Variants in PBRM1 observed in about 807,000 individuals in gnomAD.
PBRM1 encodes the protein protein polybromo-1.
In PBRM1, 27 loss-of-function variants were observed where a neutral mutation model predicts 194.5. The observed-to-expected ratio is 0.14, with a 90% CI of 0.10 to 0.19. The LOEUF (loss-of-function observed/expected upper bound fraction) is 0.19, where lower values mean the gene tolerates loss of function less well. PBRM1 is among the 10% of genes least tolerant of loss of function. PBRM1 has a pLI of 1.00. For synonymous variants in PBRM1, 655 were observed against 693.2 expected, an observed-to-expected ratio of 0.94 and a Z score of 0.87; for missense variants, 1,466 against 2,077.2, an observed-to-expected ratio of 0.71 and a Z score of 5.72.
chr3:52,634,574 A>C, intron 11 of PBRM1, 28 bp downstream of exon 12: 1 of 1,372,404 alleles, frequency 7.3e-7, no homozygotes, highest in Non-Finnish European at 1.0e-6. Flanking sequence ...AAATAAAATT[A>C]TACTGAATAA....
chr3:52,674,641 AAAAT>A (rs1164202572), intron 2 of PBRM1, among the ~76,000 whole-genome samples: 47 of 76,096 alleles, frequency 6.2e-4, no homozygotes, highest in East Asian at 5.7e-3. Context: ...AAAAAAAAAA[AAAAT>A]ATATATATAT....
intron 27 of PBRM1, among the ~76,000 whole-genome samples, chr3:52,552,109 G>GTGAA (rs2081117464): frequency 6.6e-6 from 1 of 152,060 alleles, no homozygotes. Flanking sequence ...ATGATTATTC[G>GTGAA]TGAATGAATG....
chr3:52,570,282 A>T (rs923424714), intron 22 of PBRM1, among the ~76,000 whole-genome samples: 5 of 152,004 alleles, frequency 3.3e-5, no homozygotes, highest in African/African-American at 1.2e-4. Context: ...CAGCCAGAAC[A>T]TCCCTATTTT....
intron 4 of PBRM1, 47 bp from the exon 6 acceptor site, chr3:52,658,362 G>A (rs1560872746): frequency 1.0e-6 from 1 of 998,348 alleles, no homozygotes; most frequent in Non-Finnish European, 1.6e-6. Flanking sequence ...ATAATAAAAT[G>A]CTGAATATTA....
Position 52,635,357 on chromosome 3 carries a change from G to A in PBRM1, c.1088-542C>T, listed in dbSNP as rs1461417742. 2.6e-5 allele frequency among the ~76,000 whole-genome samples: 4 copies of A among 152,286 alleles called. No homozygotes were observed. In the East Asian group the frequency reaches 7.7e-4, roughly 29 times the overall value. The stretch of plus-strand genomic sequence containing the variant: ...CCAAGGTGGGTGAATCACAAGGTCA[G>A]GAGTTCGAGACCAGCGTGGCCAACA... On this transcript the variant is annotated intron_variant, in intron 10 of 29. Transcript: ENST00000296302.
intron 20 of PBRM1, among the ~76,000 whole-genome samples, chr3:52,582,102 C>A (rs1029500291): frequency 6.6e-6 from 1 of 151,444 alleles, no homozygotes; most frequent in Non-Finnish European, 1.5e-5. Flanking sequence ...AATAGCCGGG[C>A]ATGGTGGCAC....
intron 27 of PBRM1, among the ~76,000 whole-genome samples, chr3:52,551,136 T>G (rs1399139936): frequency 6.6e-6 from 1 of 152,232 alleles, no homozygotes; most frequent in East Asian, 1.9e-4. Context: ...TTCAAGGTGT[T>G]TTTCTTCTGA....
chr3:52,565,208 A>G (rs1465559044), intron 22 of PBRM1, among the ~76,000 whole-genome samples: 1 of 151,708 alleles, frequency 6.6e-6, no homozygotes, highest in African/African-American at 2.4e-5. Flanking sequence ...CAAAAAAAAA[A>G]AATTAATTCA....
intron 16 of PBRM1, among the ~76,000 whole-genome samples, chr3:52,605,357 CA>C (rs1358547327): frequency 6.6e-6 from 1 of 152,068 alleles, no homozygotes; most frequent in Middle Eastern, 3.2e-3. Flanking sequence ...TGGCATAAAT[CA>C]AATTCTATTA....
At chr3:52,663,598 T>C (rs1217254974) in intron 3 of PBRM1, among the ~76,000 whole-genome samples, 2 of 152,032 alleles carry the variant, frequency 1.3e-5, no homozygotes, top group African/African-American at 4.8e-5. Context: ...AAATATTGAG[T>C]CCATAGTAAA....
At chr3:52,638,985 TTG>T (rs377220946) in intron 10 of PBRM1, among the ~76,000 whole-genome samples, 1,989 of 47,762 alleles carry the variant, frequency 0.042, 110 homozygotes, top group African/African-American at 0.11. Context: ...ACATTTTTTT[TTG>T]GGGGGGGGGG....
rs754097433 is a variant in PBRM1 at position 52,628,949 on chromosome 3, T to C, written c.1388A>G (p.Asn463Ser). ...CTTGTAGATGGCTGAATTGGGCACA[T>C]TATAGCGTTTGGCATTTTCAAACAT... The change falls in exon 12 of 30, where the codon AAT becomes AGT. Residue 463 changes from asparagine to serine, a missense_variant. By Grantham distance (46) the Asn-to-Ser change is conservative. This residue lies in a region of PBRM1 where 457 missense variants were observed against 591.6 expected (regional missense o/e 0.77). Coordinates refer to ENST00000296302, the Ensembl canonical transcript of PBRM1. 4 of 1,613,250 alleles carry C rather than the reference T, an allele frequency of 2.5e-6. No individual in the cohort carries two copies. The East Asian group carries it at 8.9e-5, about 36-fold the overall frequency.
intron 10 of PBRM1, among the ~76,000 whole-genome samples, chr3:52,638,795 C>T (rs551045802): frequency 2.6e-5 from 4 of 151,808 alleles, no homozygotes; most frequent in East Asian, 1.9e-4. Context: ...GATGAGGTCT[C>T]GCTATGTTGC....
chr3:52,642,885 C>A (rs2096156545), intron 9 of PBRM1, among the ~76,000 whole-genome samples: 1 of 151,270 alleles, frequency 6.6e-6, no homozygotes, highest in Non-Finnish European at 1.5e-5. Context: ...CTCCCGAGTT[C>A]AAGCGATTCT....
chr3:52,549,041 G>A (rs1203688983), intron 29 of PBRM1, among the ~76,000 whole-genome samples: 2 of 134,970 alleles, frequency 1.5e-5, no homozygotes, highest in African/African-American at 2.8e-5. Flanking sequence ...TTTTTTTTTA[G>A]ACAGAGTCTT....
chr3:52,574,816 C>T (rs561238881), intron 22 of PBRM1, among the ~76,000 whole-genome samples: 15 of 152,310 alleles, frequency 9.8e-5, no homozygotes, highest in African/African-American at 3.4e-4. Context: ...ATTGGCTCCA[C>T]GTATTTACGA....
chr3:52,668,056 G>T (rs1212310654), intron 3 of PBRM1, among the ~76,000 whole-genome samples: 1 of 152,220 alleles, frequency 6.6e-6, no homozygotes, highest in Admixed American at 6.5e-5. Flanking sequence ...TGCACTTTGG[G>T]AGGCCAAGGC....
chr3:52,548,124 C>G (rs2153307207), exon 30 of PBRM1: 1 of 1,610,928 alleles, frequency 6.2e-7, no homozygotes, highest in Non-Finnish European at 8.5e-7. Context: ...CATCAAATCT[C>G]GAAGGCGCCA....
intron 20 of PBRM1, among the ~76,000 whole-genome samples, chr3:52,582,502 T>C (rs1272747819): frequency 2.0e-5 from 3 of 149,230 alleles, no homozygotes; most frequent in Non-Finnish European, 4.5e-5. Context: ...CTCCACCTAC[T>C]GGGTTCAAGT....
Sources: gnomAD v4.1 joint callset for allele counts (sites outside exome capture counted in the v4.1 genomes callset) on GRCh38, gnomAD v4.1.1 for gene constraint, gnomAD v4.1.1 regional missense constraint, MANE v1.5 for transcripts, NCBI Gene and HGNC (gene_info 2026-07-23, HGNC 2026-07-21) for gene names.